Variants in TLL1 observed in about 807,000 individuals in gnomAD.
TLL1 encodes tolloid-like protein 1.
A neutral mutation model predicts 128.2 loss-of-function variants in TLL1; 49 were observed. That is an observed-to-expected ratio of 0.38 (90% CI 0.30 to 0.48). The LOEUF is 0.48. Ranked by LOEUF, TLL1 falls within the 20% of genes least tolerant of loss-of-function variation. The probability of loss-of-function intolerance (pLI) is 0.96; values close to 1 mark genes in which losing one functional copy is unlikely to be tolerated. For missense variants in TLL1, 1,123 were observed against 1,242.0 expected (o/e 0.90, Z 1.44); for synonymous variants, 454 against 418.8 (o/e 1.08, Z -1.03).
chr4:166,060,069 A>T lies in TLL1; in HGVS notation c.1888A>T (p.Thr630Ser). ...GLLTKLNGTI[T>S]TPGWPKEYPP... ...TCTTACCAAACTTAACGGCACCATA[A>T]CCACCCCTGGCTGGCCCAAGGAGTA... is the stretch of plus-strand genomic sequence containing the variant. Residue 630 changes from threonine (T) to serine (S), a missense_variant, in exon 15 of 21, where the codon ACC (threonine) becomes TCC (serine). Physicochemically the swap from Thr to Ser is moderately conservative, Grantham distance 58. This residue lies in a region of TLL1 where 634 missense variants were observed against 672.4 expected (regional missense o/e 0.94). Coordinates refer to ENST00000061240, the MANE Select transcript of TLL1 (RefSeq NM_012464.5). 2 of 1,613,684 alleles carry T rather than the reference A, an allele frequency of 1.2e-6. No individual in the cohort carries two copies. Among genetic ancestry groups the T allele is most frequent in the Non-Finnish European group, 1.7e-6 (2 of 1,179,858 alleles).
At chr4:166,077,516 T>A (rs1741089283) in intron 17 of TLL1, among the ~76,000 whole-genome samples, 1 of 152,144 alleles carries the variant, frequency 6.6e-6, no homozygotes, top group South Asian at 2.1e-4. Context: ...GGAAAAAAAT[T>A]GAAAATGGCA....
At chr4:166,043,187 C>A in intron 11 of TLL1, 87 bp from the exon 12 acceptor site, 2 of 1,573,760 alleles carry the variant, frequency 1.3e-6, no homozygotes, top group Non-Finnish European at 1.7e-6. Context: ...GCTACAGGAG[C>A]TGAACTTCAA....
At chr4:166,078,066 G>T in intron 18 of TLL1, 36 bp downstream of exon 18, 2 of 1,611,434 alleles carry the variant, frequency 1.2e-6, no homozygotes, top group Non-Finnish European at 1.7e-6. Context: ...CCATTAAGCT[G>T]ACTGCCCTTG....
At chr4:166,003,658 T>TATCA in intron 6 of TLL1, 89 bp downstream of exon 6, 2 of 1,342,742 alleles carry the variant, frequency 1.5e-6, no homozygotes, top group Non-Finnish European at 1.1e-6. Context: ...TTCCCAAAAA[T>TATCA]GTAAACTGAT....
intron 17 of TLL1, among the ~76,000 whole-genome samples, chr4:166,075,845 C>T (rs1740996716): frequency 6.6e-6 from 1 of 152,084 alleles, no homozygotes; most frequent in Admixed American, 6.6e-5. Flanking sequence ...TAGAGAATAT[C>T]CTGAGTTGAC....
chr4:166,029,217 T>G (rs1017302530), intron 9 of TLL1, among the ~76,000 whole-genome samples: 29 of 151,998 alleles, frequency 1.9e-4, no homozygotes, highest in African/African-American at 6.8e-4. Flanking sequence ...AAATGTATAC[T>G]CTATCATTTG....
At chr4:165,895,860 A>T (rs1194652540) in intron 1 of TLL1, among the ~76,000 whole-genome samples, 3 of 152,098 alleles carry the variant, frequency 2.0e-5, no homozygotes, top group African/African-American at 4.8e-5. Flanking sequence ...GAGAATGCAG[A>T]AATAGGTGTA....
At chr4:166,093,671 C>T (rs527666958) in intron 19 of TLL1, among the ~76,000 whole-genome samples, 7 of 152,238 alleles carry the variant, frequency 4.6e-5, no homozygotes, top group East Asian at 3.9e-4. Flanking sequence ...GACGGTCAGG[C>T]CTTTCTCATC....
At chr4:165,892,750 T>C (rs1436068685) in intron 1 of TLL1, among the ~76,000 whole-genome samples, 1 of 152,228 alleles carries the variant, frequency 6.6e-6, no homozygotes, top group Non-Finnish European at 1.5e-5. Context: ...TTCACATGTT[T>C]GTTTTGGGAC....
At chr4:166,026,635 C>T (rs568963786) in intron 9 of TLL1, among the ~76,000 whole-genome samples, 5 of 151,872 alleles carry the variant, frequency 3.3e-5, no homozygotes, top group Admixed American at 2.0e-4. Flanking sequence ...TGCGGCGAGC[C>T]GAGATGGCGC....
chr4:166,024,875 T>C (rs1738422414), intron 8 of TLL1, among the ~76,000 whole-genome samples: 1 of 152,218 alleles, frequency 6.6e-6, no homozygotes, highest in South Asian at 2.1e-4. Context: ...TTAGCTATTA[T>C]GTAACATTTT....
rs1375012562 is a variant in TLL1, at chr4:166,099,356, A to G, written c.2736A>G (p.Pro912=). ...CTCAGTTTGGTGATAACAACTACCC[A>G]GGACAGGTTGACTGTGAATGGCTAT... ...SHAQFGDNNY[P]GQVDCEWLLV... The change falls in exon 20 of 21, where the codon CCA becomes CCG. Residue 912 remains proline, a synonymous_variant. Transcript: ENST00000061240. 1.2e-6 allele frequency: 2 copies of G among 1,613,526 alleles called. No homozygotes were observed. The highest frequency in any genetic ancestry group is 1.1e-5 in the South Asian group (1 of 91,090).
Position 165,902,464 on chromosome 4 carries a change from C to T in TLL1, c.169+28391C>T, listed in dbSNP as rs1462599939. Reference sequence around the variant, plus strand: ...AGGTAGGCAAAGACTGTGGGAAAAGCACAGTATTTGAGCCAGAATGCACCG... The same window carrying T: ...AGGTAGGCAAAGACTGTGGGAAAAGTACAGTATTTGAGCCAGAATGCACCG... On this transcript the variant is annotated intron_variant, in intron 1 of 20. Transcript: ENST00000061240. Among the ~76,000 whole-genome samples, 5 of 152,116 alleles carry T rather than the reference C, an allele frequency of 3.3e-5. No individual in the cohort carries two copies. In the East Asian group the frequency reaches 5.8e-4, roughly 18 times the overall value.
chr4:165,966,335 C>A (rs531366891), intron 1 of TLL1, among the ~76,000 whole-genome samples: 1 of 152,264 alleles, frequency 6.6e-6, no homozygotes, highest in African/African-American at 2.4e-5. Flanking sequence ...GTGTGGGGAC[C>A]TCCTAACTTT....
chr4:166,052,558 G>C (rs1175806463), intron 12 of TLL1, among the ~76,000 whole-genome samples: 2 of 152,154 alleles, frequency 1.3e-5, no homozygotes, highest in Non-Finnish European at 2.9e-5. Flanking sequence ...ACCTCCCAAA[G>C]TCCTGGGATT....
At position 166,030,682 on chromosome 4, in the gene TLL1, C is replaced by T. The variant is rs1738728385; in HGVS notation, c.1158+5251C>T. ...TTAATCAATATTGTGTTAATAGAAACCATTCTTGTACATGTGGATATCCAG... is the reference window on the plus strand; with the variant it reads ...TTAATCAATATTGTGTTAATAGAAATCATTCTTGTACATGTGGATATCCAG... On this transcript the variant is annotated intron_variant, in intron 9 of 20. Transcript: ENST00000061240. 6 of 1,060,066 alleles carry T rather than the reference C, an allele frequency of 5.7e-6. No homozygotes were observed. The South Asian group carries it at 2.4e-4, about 43-fold the overall frequency. The allele number at this position is 1,060,066 out of a possible 1,614,324, so 65.7% of individuals were successfully genotyped here. A position where few individuals can be genotyped will look rare whatever the true frequency, so the allele number is the denominator to read the frequency against.
At chr4:165,925,533 G>A (rs1177207550) in intron 1 of TLL1, among the ~76,000 whole-genome samples, 1 of 152,182 alleles carries the variant, frequency 6.6e-6, no homozygotes, top group African/African-American at 2.4e-5. Context: ...TTATGGATGA[G>A]CAAAGAAAGG....
At chr4:166,003,278 C>T in intron 5 of TLL1, 113 bp from the exon 6 acceptor site, 1 of 1,045,912 alleles carries the variant, frequency 9.6e-7, no homozygotes, top group South Asian at 1.3e-5. Flanking sequence ...TGTTCTGTTC[C>T]TGAATGTGTC....
intron 1 of TLL1, among the ~76,000 whole-genome samples, chr4:165,971,243 C>T (rs532483817): frequency 2.3e-4 from 35 of 152,306 alleles, no homozygotes; most frequent in African/African-American, 7.5e-4. Flanking sequence ...GTCCAGGCAG[C>T]TTAGCTAGTG....
Sources: gnomAD v4.1 joint callset for allele counts (sites outside exome capture counted in the v4.1 genomes callset) on GRCh38, gnomAD v4.1.1 for gene constraint, gnomAD v4.1.1 regional missense constraint, MANE v1.5 for transcripts, NCBI Gene and HGNC (gene_info 2026-07-23, HGNC 2026-07-21) for gene names.